The following CA13 variants were observed in gnomAD, a reference collection of about 807,000 sequenced individuals.
CA13 encodes the protein CA-XIII.
CA13 carries 21 observed loss-of-function variants against 31.5 expected under a neutral mutation model. The ratio of observed to expected loss-of-function variants is 0.67; its 90% CI spans 0.47 to 0.96. The LOEUF (loss-of-function observed/expected upper bound fraction) is 0.96. Ranked by LOEUF, CA13 falls within the 40% of genes least tolerant of loss-of-function variation. The pLI, the probability that CA13 is intolerant of heterozygous loss-of-function variation, is 0.00. For synonymous variants in CA13, 117 were observed against 111.4 expected, an observed-to-expected ratio of 1.05 and a Z score of -0.32; for missense variants, 315 against 318.9, an observed-to-expected ratio of 0.99 and a Z score of 0.09.
intron 1 of CA13, 148 bp from the exon 2 acceptor site, chr8:85,250,592 A>G: frequency 1.8e-6 from 1 of 570,276 alleles, no homozygotes; most frequent in Non-Finnish European, 3.1e-6. Flanking sequence ...AAAAAAAACA[A>G]TTAGATGCCA....
At chr8:85,254,304 A>C (rs1587535020) in intron 2 of CA13, among the ~76,000 whole-genome samples, 3 of 151,552 alleles carry the variant, frequency 2.0e-5, no homozygotes, top group Admixed American at 2.0e-4. Flanking sequence ...AAAGCTACCC[A>C]TTCCTCATTT....
At chr8:85,263,455 A>T (rs895061581) in intron 3 of CA13, among the ~76,000 whole-genome samples, 1 of 152,178 alleles carries the variant, frequency 6.6e-6, no homozygotes, top group African/African-American at 2.4e-5. Context: ...AAGGTTATGG[A>T]AGTCATTCAA....
rs746265886 is a variant in CA13 at position 85,281,250 on chromosome 8, C to G, written c.690C>G (p.Leu230=). 1 of 1,613,886 alleles carries G rather than the reference C, an allele frequency of 6.2e-7. No individual in the cohort carries two copies. The highest frequency in any genetic ancestry group is 1.7e-5 in the Admixed American group (1 of 59,994). Residue 230 remains leucine, a synonymous_variant, in exon 7 of 7, where the codon CTC becomes CTG. Transcript: ENST00000321764. ...SSQQLAKFRS[L]LCTAEGEAAA... The stretch of plus-strand genomic sequence containing the variant: ...TACAGCTGGCCAAATTTCGCAGTCT[C>G]CTGTGCACAGCGGAGGGTGAAGCAG...
chr8:85,259,500 C>A lies in CA13; in HGVS notation c.315C>A (p.Gly105=), dbSNP rs180993426. The A allele has an allele frequency of 6.2e-7, 1 of 1,614,096 alleles. No homozygotes were observed. Among genetic ancestry groups the A allele is most frequent in the African/African-American group, 1.3e-5 (1 of 75,028 alleles). ...HLHWGSADDH[G]SEHIVDGVSY... ...ACTGGGGGTCCGCTGATGACCACGG[C>A]TCCGAGCACATAGTAGATGGAGTGA... Residue 105 remains glycine, a synonymous_variant, in exon 3 of 7, where the codon GGC becomes GGA. Transcript: ENST00000321764.
chr8:85,247,531 T>C (rs1017675730), intron 1 of CA13, among the ~76,000 whole-genome samples: 1 of 152,182 alleles, frequency 6.6e-6, no homozygotes, highest in Non-Finnish European at 1.5e-5. Flanking sequence ...GAAAATCCTA[T>C]TGGAAATGTA....
At chr8:85,262,425 T>A (rs1302843722) in intron 3 of CA13, among the ~76,000 whole-genome samples, 2 of 152,068 alleles carry the variant, frequency 1.3e-5, no homozygotes, top group Non-Finnish European at 2.9e-5. Context: ...TGGTTTTGCA[T>A]AAAATCATGT....
At chr8:85,267,668 G>T (rs929837466) in intron 4 of CA13, among the ~76,000 whole-genome samples, 1 of 152,110 alleles carries the variant, frequency 6.6e-6, no homozygotes, top group African/African-American at 2.4e-5. Flanking sequence ...TATTAGTTTT[G>T]GGACTAAGCT....
chr8:85,269,062 T>G (rs569743848), intron 6 of CA13, among the ~76,000 whole-genome samples: 11 of 152,196 alleles, frequency 7.2e-5, no homozygotes, highest in Non-Finnish European at 1.3e-4. Context: ...TCTACAAATT[T>G]CCAAGTGAAA....
intron 6 of CA13, among the ~76,000 whole-genome samples, chr8:85,273,110 G>A (rs781449286): frequency 3.3e-5 from 5 of 152,186 alleles, no homozygotes; most frequent in Non-Finnish European, 5.9e-5. Flanking sequence ...GAGCCACTGT[G>A]CCCAGCTGAG....
chr8:85,277,159 C>T (rs1454363498), intron 6 of CA13, among the ~76,000 whole-genome samples: 1 of 152,198 alleles, frequency 6.6e-6, no homozygotes, highest in Non-Finnish European at 1.5e-5. Flanking sequence ...CTGAGGTCTT[C>T]TTCCACACCG....
At chr8:85,267,875 A>G in intron 4 of CA13, 27 bp from the exon 5 acceptor site, 4 of 1,449,340 alleles carry the variant, frequency 2.8e-6, no homozygotes, top group Non-Finnish European at 3.9e-6. Context: ...TACAGTAACC[A>G]TTTCTTTTGA....
At chr8:85,277,937 G>C (rs1587547344) in intron 6 of CA13, among the ~76,000 whole-genome samples, 1 of 152,102 alleles carries the variant, frequency 6.6e-6, no homozygotes, top group African/African-American at 2.4e-5. Context: ...CTTGCACCTT[G>C]GGACTGGGCC....
chr8:85,267,031 A>G (rs1344617040), intron 4 of CA13, among the ~76,000 whole-genome samples: 2 of 152,230 alleles, frequency 1.3e-5, no homozygotes, highest in East Asian at 1.9e-4. Flanking sequence ...ATAAAGTTCA[A>G]GCTCCTGATT....
rs1379659991 is a variant in CA13, at chr8:85,245,774, C to G, written c.-55C>G. 7.5e-6 allele frequency: 12 copies of G among 1,603,420 alleles called. No homozygotes were observed. Among genetic ancestry groups the G allele is most frequent in the South Asian group, 2.2e-5 (2 of 90,852 alleles). On this transcript the variant is annotated 5_prime_UTR_variant, in exon 1 of 7. Coordinates refer to ENST00000321764, the MANE Select transcript of CA13 (RefSeq NM_198584.3). ...TCCTTCCCGGGCCCCTCCCCGCTCC[C>G]TCCTCTTTCTCGCTGCTCAGTCACA...
At position 85,259,552 on chromosome 8, in the gene CA13, A is replaced by T. The variant is rs1385150196; in HGVS notation, c.354+13A>T. ...CTATGCTGCAGAGGTAAGCCATAAG[A>T]CATATCTGTGATTCACAGTTTTCCC... On this transcript the variant is annotated intron_variant, in intron 3 of 6. Coordinates refer to ENST00000321764, the MANE Select transcript of CA13 (RefSeq NM_198584.3). The T allele has an allele frequency of 4.4e-6, 7 of 1,599,254 alleles. No homozygotes were observed. The highest frequency in any genetic ancestry group is 1.3e-5 in the African/African-American group (1 of 74,766).
intron 6 of CA13, among the ~76,000 whole-genome samples, chr8:85,272,223 T>A (rs1807536769): frequency 6.6e-6 from 1 of 152,188 alleles, no homozygotes; most frequent in African/African-American, 2.4e-5. Flanking sequence ...TTGAGTTCTT[T>A]TAATGGTATA....
At chr8:85,248,457 C>CA (rs528349589) in intron 1 of CA13, among the ~76,000 whole-genome samples, 4,219 of 76,452 alleles carry the variant, frequency 0.055, 192 homozygotes, top group African/African-American at 0.16. Context: ...AACTCTGTCT[C>CA]AAAAAAAAAA....
intron 6 of CA13, among the ~76,000 whole-genome samples, chr8:85,271,033 C>T (rs1232800928): frequency 6.6e-6 from 1 of 152,080 alleles, no homozygotes; most frequent in East Asian, 1.9e-4. Flanking sequence ...AACACTTTCA[C>T]GTATTTTAGT....
At chr8:85,248,814 C>G (rs1813775213) in intron 1 of CA13, among the ~76,000 whole-genome samples, 3 of 152,124 alleles carry the variant, frequency 2.0e-5, no homozygotes, top group Non-Finnish European at 4.4e-5. Context: ...GAAAGCAACT[C>G]TATTGATTGG....
Sources: gnomAD v4.1 joint callset for allele counts (sites outside exome capture counted in the v4.1 genomes callset) on GRCh38, gnomAD v4.1.1 for gene constraint, MANE v1.5 for transcripts, NCBI Gene and HGNC (gene_info 2026-07-23, HGNC 2026-07-21) for gene names.